Variants in MEIS2 observed in about 807,000 individuals in gnomAD.
MEIS2 encodes homeobox protein Meis2.
MEIS2 carries 9 observed loss-of-function variants against 58.6 expected under a neutral mutation model. The observed-to-expected ratio is 0.15, with a 90% CI of 0.09 to 0.27. MEIS2 has a LOEUF of 0.27. Ranked by LOEUF, MEIS2 falls within the 10% of genes least tolerant of loss-of-function variation. The pLI is 1.00. For synonymous variants in MEIS2, 221 were observed against 228.4 expected (o/e 0.97, Z 0.29); for missense variants, 427 against 635.0 (o/e 0.67, Z 3.52).
chr15:37,062,583 A>G (rs901432192), intron 7 of MEIS2, among the ~76,000 whole-genome samples: 16 of 152,206 alleles, frequency 1.1e-4, no homozygotes, highest in African/African-American at 3.4e-4. Flanking sequence ...GAGATTGAAC[A>G]GGCCAATATT....
intron 8 of MEIS2, among the ~76,000 whole-genome samples, chr15:36,952,735 T>G (rs1035335708): frequency 2.0e-5 from 3 of 151,948 alleles, no homozygotes; most frequent in African/African-American, 7.3e-5. Flanking sequence ...GGGAGATTAC[T>G]GGAGAGCCAA....
At chr15:36,894,037 T>C (rs1302298947) in intron 11 of MEIS2, among the ~76,000 whole-genome samples, 1 of 152,234 alleles carries the variant, frequency 6.6e-6, no homozygotes, top group African/African-American at 2.4e-5. Context: ...TTAATCCAAC[T>C]GCAGCCATTC....
At chr15:37,007,385 A>T in intron 8 of MEIS2, among the ~76,000 whole-genome samples, 1 of 152,142 alleles carries the variant, frequency 6.6e-6, no homozygotes, top group Non-Finnish European at 1.5e-5. Context: ...AATAAATAAG[A>T]AAGAAAGAAA....
At chr15:37,043,627 G>A (rs1433826485) in intron 7 of MEIS2, among the ~76,000 whole-genome samples, 3 of 149,432 alleles carry the variant, frequency 2.0e-5, no homozygotes, top group Non-Finnish European at 4.4e-5. Context: ...AATTTCTATA[G>A]TTCGTAGGTG....
chr15:36,917,200 A>G (rs2141284713), intron 9 of MEIS2, among the ~76,000 whole-genome samples: 1 of 152,338 alleles, frequency 6.6e-6, no homozygotes, highest in Middle Eastern at 3.4e-3. Flanking sequence ...AGATAGAGAA[A>G]TTGAACCAAT....
At chr15:37,027,389 G>A (rs1434788457) in intron 8 of MEIS2, among the ~76,000 whole-genome samples, 3 of 152,110 alleles carry the variant, frequency 2.0e-5, no homozygotes, top group Non-Finnish European at 4.4e-5. Context: ...AACTTACCCT[G>A]TAATTCCCAA....
intron 9 of MEIS2, among the ~76,000 whole-genome samples, chr15:36,941,290 C>CA (rs1269084275): frequency 6.6e-6 from 1 of 152,170 alleles, no homozygotes; most frequent in Non-Finnish European, 1.5e-5. Context: ...CTAATTTCTA[C>CA]AACCTTTATG....
At chr15:37,016,242 T>C (rs2061345863) in intron 8 of MEIS2, among the ~76,000 whole-genome samples, 1 of 152,170 alleles carries the variant, frequency 6.6e-6, no homozygotes, top group Non-Finnish European at 1.5e-5. Context: ...GCTTCACTGC[T>C]CCCATGGCAA....
At chr15:36,908,204 G>A (rs1335740894) in intron 9 of MEIS2, among the ~76,000 whole-genome samples, 1 of 152,114 alleles carries the variant, frequency 6.6e-6, no homozygotes, top group South Asian at 2.1e-4. Context: ...CAGCCGGGTG[G>A]CATTCTGTAT....
intron 7 of MEIS2, among the ~76,000 whole-genome samples, chr15:37,039,286 A>C (rs2062309186): frequency 6.6e-6 from 1 of 152,220 alleles, no homozygotes; most frequent in Non-Finnish European, 1.5e-5. Context: ...CTCTTCCTTC[A>C]GTGTCTTCCA....
At chr15:36,927,258 G>C (rs946991829) in intron 9 of MEIS2, among the ~76,000 whole-genome samples, 1 of 152,226 alleles carries the variant, frequency 6.6e-6, no homozygotes, top group Admixed American at 6.5e-5. Flanking sequence ...AGTGATGATG[G>C]GGGGGTCTGA....
chr15:37,100,732 C>T (rs1261652778), upstream of MEIS2, among the ~76,000 whole-genome samples: 1 of 149,598 alleles, frequency 6.7e-6, no homozygotes. Flanking sequence ...TGTGTGCGTG[C>T]GCGCGTGTGT....
At chr15:37,021,610 T>A (rs888212453) in intron 8 of MEIS2, among the ~76,000 whole-genome samples, 1 of 152,212 alleles carries the variant, frequency 6.6e-6, no homozygotes, top group Non-Finnish European at 1.5e-5. Context: ...TGTTTCTCTC[T>A]CTTATTCTGC....
chr15:36,962,784 T>C (rs1471119338), intron 8 of MEIS2, among the ~76,000 whole-genome samples: 1 of 152,182 alleles, frequency 6.6e-6, no homozygotes, highest in African/African-American at 2.4e-5. Flanking sequence ...AGAAGCTGAG[T>C]GGGTTTCATT....
At chr15:36,988,102 G>A (rs1484395581) in intron 8 of MEIS2, among the ~76,000 whole-genome samples, 2 of 152,112 alleles carry the variant, frequency 1.3e-5, no homozygotes, top group Admixed American at 6.5e-5. Context: ...AATTTGCCAG[G>A]AGTAGATTTG....
At chr15:36,953,055 G>T (rs2058818191) in intron 8 of MEIS2, among the ~76,000 whole-genome samples, 1 of 152,064 alleles carries the variant, frequency 6.6e-6, no homozygotes, top group Admixed American at 6.5e-5. Context: ...ATGATTCCAT[G>T]CCCCTTTTAT....
intron 8 of MEIS2, among the ~76,000 whole-genome samples, chr15:37,007,570 C>A (rs1295991673): frequency 1.3e-5 from 2 of 152,080 alleles, no homozygotes; most frequent in Non-Finnish European, 2.9e-5. Context: ...TTGGAGTCCA[C>A]CATACCACAC....
At chr15:36,915,019 C>G (rs1359499893) in intron 9 of MEIS2, among the ~76,000 whole-genome samples, 1 of 152,134 alleles carries the variant, frequency 6.6e-6, no homozygotes, top group African/African-American at 2.4e-5. Context: ...ATCTCTCTCT[C>G]CTTTCCTCAA....
chr15:36,983,169 A>G (rs937727965), intron 8 of MEIS2, among the ~76,000 whole-genome samples: 1 of 151,982 alleles, frequency 6.6e-6, no homozygotes, highest in Non-Finnish European at 1.5e-5. Flanking sequence ...CCATCTGTCT[A>G]TTTTTGCTTT....
Sources: allele counts gnomAD v4.1 joint callset (sites outside exome capture counted in the v4.1 genomes callset), GRCh38; gene constraint gnomAD v4.1.1; transcripts MANE v1.5; gene names NCBI Gene and HGNC (gene_info 2026-07-23, HGNC 2026-07-21).